The following ORC4 variants were observed in gnomAD, a reference collection of about 807,000 sequenced individuals.
ORC4 encodes origin recognition complex subunit 4, also known as origin recognition complex, subunit 4 homolog.
Under a neutral mutation model 63.9 loss-of-function variants are expected in ORC4, and 55 were observed. The observed-to-expected ratio is 0.86, with a 90% CI of 0.69 to 1.08. ORC4 has a LOEUF of 1.08. Among genes scored for constraint, ORC4 ranks in the 50% least tolerant of loss-of-function variants. ORC4 has a pLI of 0.00. For synonymous variants in ORC4, 150 were observed against 168.5 expected (o/e 0.89, Z 0.85); for missense variants, 511 against 504.4 (o/e 1.01, Z -0.13).
At chr2:147,943,911 A>C (rs915301237) in intron 9 of ORC4, among the ~76,000 whole-genome samples, 3 of 152,198 alleles carry the variant, frequency 2.0e-5, no homozygotes, top group Non-Finnish European at 2.9e-5. Context: ...AAACTGGATG[A>C]GACAAGAGAT....
rs769038671 is a variant in ORC4 at position 148,020,732 on chromosome 2, ACC to A, written c.-119_-118del. On this transcript the variant is annotated 5_prime_UTR_variant, in exon 1 of 14. Transcript: ENST00000392857. ...CACCTGCCGCTGCGGACCGTACACA[ACC>A]ACTCCCGGCATGCCCCGCGCACGCA... The A allele has an allele frequency of 3.3e-5, 5 of 152,132 alleles. No homozygotes were observed. In the East Asian group the frequency reaches 9.7e-4, roughly 29 times the overall value. The allele number at this position is 152,132 out of a possible 1,614,324, so 9.4% of individuals were successfully genotyped here.
chr2:147,932,545 C>T lies in ORC4; in HGVS notation c.*2965G>A, dbSNP rs2105239324. On this transcript the variant is annotated 3_prime_UTR_variant, in exon 14 of 14. Coordinates refer to ENST00000392857, the MANE Select transcript of ORC4 (RefSeq NM_181741.4). ...AAAGAGGGGAGTGGTAGCTTTGTAA[C>T]TTACAGTGAGGCTTACACCTTGACA... is the stretch of plus-strand genomic sequence containing the variant. 1 of 152,274 alleles carries T rather than the reference C, an allele frequency of 6.6e-6. No homozygotes were observed. Among genetic ancestry groups the T allele is most frequent in the South Asian group, 2.1e-4 (1 of 4,834 alleles). The allele number at this position is 152,274 out of a possible 1,614,324, so 9.4% of individuals were successfully genotyped here.
chr2:147,943,546 GC>G, intron 9 of ORC4, 24 bp from the exon 10 acceptor site: 1 of 1,030,692 alleles, frequency 9.7e-7, no homozygotes, highest in Non-Finnish European at 1.5e-6. Context: ...AAAAAAAAAA[GC>G]CAAAATTGAG....
rs751385832 is a variant in ORC4, at chr2:147,943,507, T to C, written c.778A>G (p.Arg260Gly). Residue 260 changes from arginine to glycine, a missense_variant, in exon 10 of 14, where the codon AGA becomes GGA. Coordinates refer to ENST00000392857, the MANE Select transcript of ORC4 (RefSeq NM_181741.4). Reference sequence around the variant, plus strand: ...TTCTGTAGTACTTCTTGCACACTTCTATCTTCTGAGAGATACTAAAAGGAA... The same window carrying C: ...TTCTGTAGTACTTCTTGCACACTTCCATCTTCTGAGAGATACTAAAAGGAA... The part of the protein sequence containing the change: ...NENVQYLSED[R>G]SVQEVLQKHF... The C allele has an allele frequency of 5.7e-6, 9 of 1,580,048 alleles. No individual in the cohort carries two copies. The South Asian group carries it at 7.8e-5, about 14-fold the overall frequency.
intron 8 of ORC4, among the ~76,000 whole-genome samples, chr2:147,949,255 G>GA: frequency 6.6e-6 from 1 of 151,984 alleles, no homozygotes; most frequent in South Asian, 2.1e-4. Flanking sequence ...CTACACAACA[G>GA]AATATTATTT....
intron 13 of ORC4, chr2:147,936,440 CATG>C (rs1688055782): frequency 6.6e-6 from 1 of 151,918 alleles, no homozygotes; most frequent in South Asian, 2.1e-4. Flanking sequence ...ACCATTAAAT[CATG>C]ATATACTAAC....
chr2:147,962,587 C>G (rs1389159867), intron 4 of ORC4, among the ~76,000 whole-genome samples: 1 of 152,088 alleles, frequency 6.6e-6, no homozygotes, highest in Non-Finnish European at 1.5e-5. Context: ...GCAAGGAAAC[C>G]AACCCCTTGC....
intron 4 of ORC4, among the ~76,000 whole-genome samples, chr2:147,960,963 T>G (rs1332983216): frequency 1.3e-5 from 2 of 152,130 alleles, no homozygotes; most frequent in Non-Finnish European, 2.9e-5. Flanking sequence ...ATAAAATGCT[T>G]GTAATATTAT....
chr2:148,005,656 C>CAAAAAAAAA (rs55869341), intron 1 of ORC4, among the ~76,000 whole-genome samples: 16 of 51,482 alleles, frequency 3.1e-4, no homozygotes, highest in East Asian at 7.5e-4. Context: ...ACTATCCATG[C>CAAAAAAAAA]AAAAAAAAAA....
At chr2:147,987,382 G>GTATATA (rs372437598) in intron 1 of ORC4, among the ~76,000 whole-genome samples, 1 of 103,480 alleles carries the variant, frequency 9.7e-6, no homozygotes, top group Non-Finnish European at 2.3e-5. Flanking sequence ...GTGTGTGTGT[G>GTATATA]TATATATATA....
At chr2:147,977,059 T>C (rs1230742951) in intron 1 of ORC4, among the ~76,000 whole-genome samples, 1 of 152,208 alleles carries the variant, frequency 6.6e-6, no homozygotes, top group Non-Finnish European at 1.5e-5. Context: ...CAGGAATTGT[T>C]ACAAATGCTT....
chr2:147,932,596 G>A lies in ORC4; in HGVS notation c.*2914C>T, dbSNP rs1379651266. The A allele has an allele frequency of 6.6e-6, 1 of 152,164 alleles. No individual in the cohort carries two copies. Among genetic ancestry groups the A allele is most frequent in the African/African-American group, 2.4e-5 (1 of 41,452 alleles). The allele number at this position is 152,164 out of a possible 1,614,324, so 9.4% of individuals were successfully genotyped here. A position where few individuals can be genotyped will look rare whatever the true frequency, so the allele number is the denominator to read the frequency against. On this transcript the variant is annotated 3_prime_UTR_variant, in exon 14 of 14. Transcript: ENST00000392857. ...ACTGCAAGAATGAGGATAGTGGTGA[G>A]TGAAGGGAGATTTGTTAATTATGGC...
chr2:148,001,925 C>G (rs1692335967), intron 1 of ORC4, among the ~76,000 whole-genome samples: 1 of 151,992 alleles, frequency 6.6e-6, no homozygotes, highest in Non-Finnish European at 1.5e-5. Flanking sequence ...ATTTACCAAG[C>G]AAATGGAAAG....
At chr2:147,999,078 T>C (rs1398314985) in intron 1 of ORC4, among the ~76,000 whole-genome samples, 1 of 152,206 alleles carries the variant, frequency 6.6e-6, no homozygotes, top group Non-Finnish European at 1.5e-5. Flanking sequence ...CTAAATAATA[T>C]AAACATACAA....
At chr2:148,012,186 C>A (rs1011432085) in intron 1 of ORC4, among the ~76,000 whole-genome samples, 1 of 152,158 alleles carries the variant, frequency 6.6e-6, no homozygotes, top group Non-Finnish European at 1.5e-5. Context: ...AGACTTACCA[C>A]ACTACCAAAC....
rs1243436101 is a variant in ORC4, at chr2:147,931,142, T to G, written c.*4368A>C. The G allele has an allele frequency of 6.7e-6, 1 of 149,118 alleles. No homozygotes were observed. The highest frequency in any genetic ancestry group is 1.9e-4 in the East Asian group (1 of 5,134). 9.2% of individuals were successfully genotyped at this position (149,118 alleles called of 1,614,324 possible). ...TGTTCTTGTGATAGTTTACTGAGAA[T>G]GATGATTTCCAATTTCATCCATGTC... On this transcript the variant is annotated 3_prime_UTR_variant, in exon 14 of 14. Transcript: ENST00000392857.
At chr2:147,970,615 C>CA (rs58097452) in intron 4 of ORC4, among the ~76,000 whole-genome samples, 45,938 of 118,470 alleles carry the variant, frequency 0.39, 7,475 homozygotes, top group East Asian at 0.56. Context: ...CATTCATTTG[C>CA]AAAAAAAAAA....
At chr2:147,957,810 CT>C (rs1689346666) in intron 6 of ORC4, among the ~76,000 whole-genome samples, 1 of 152,058 alleles carries the variant, frequency 6.6e-6, no homozygotes. Flanking sequence ...TGTAAAGAAT[CT>C]GAATTCAGAG....
chr2:147,962,910 C>T (rs369485167), intron 4 of ORC4, among the ~76,000 whole-genome samples: 54 of 152,206 alleles, frequency 3.5e-4, no homozygotes, highest in African/African-American at 1.2e-3. Flanking sequence ...CCAGCCCAGC[C>T]GAGCAGCCAT....
Sources: allele counts gnomAD v4.1 joint callset (sites outside exome capture counted in the v4.1 genomes callset), GRCh38; gene constraint gnomAD v4.1.1; transcripts MANE v1.5; gene names NCBI Gene and HGNC (gene_info 2026-07-23, HGNC 2026-07-21).